The following PRKAG3 variants were observed in gnomAD, a reference collection of about 807,000 sequenced individuals.
PRKAG3 encodes 5'-AMP-activated protein kinase subunit gamma-3.
In PRKAG3, 39 loss-of-function variants were observed where a neutral mutation model predicts 56.5. The ratio of observed to expected loss-of-function variants is 0.69; its 90% CI spans 0.53 to 0.90. The LOEUF (loss-of-function observed/expected upper bound fraction) is 0.90. PRKAG3 is among the 40% of genes least tolerant of loss of function. The pLI is 0.00. For synonymous variants in PRKAG3, 243 were observed against 250.1 expected (o/e 0.97, Z 0.27); for missense variants, 628 against 627.5 (o/e 1.00, Z -0.01).
In PRKAG3 at chr2:218,827,015, C is replaced by G; in HGVS notation, c.1081G>C (p.Val361Leu). 6.2e-7 allele frequency: 1 copy of G among 1,614,150 alleles called. No homozygotes were observed. The change falls in exon 10 of 13, where the codon GTG becomes CTG. Residue 361 changes from valine (V) to leucine (L), a missense_variant. Coordinates refer to ENST00000529249, the Ensembl canonical transcript of PRKAG3. The surrounding 1 kb of genome is among the most constrained non-coding windows in gnomAD (Gnocchi z 5.3). Reference sequence around the variant, plus strand: ...AGGATGGGTGCTGTCTCCAGCACCACAGCCAAGTCTCGGAATGTGCCGATG... The same window carrying G: ...AGGATGGGTGCTGTCTCCAGCACCAGAGCCAAGTCTCGGAATGTGCCGATG...
intron 10 of PRKAG3, 123 bp from the exon 11 acceptor site, chr2:218,824,699 G>T (rs1321262158): frequency 2.3e-6 from 2 of 877,570 alleles, no homozygotes; most frequent in Non-Finnish European, 3.8e-6. Flanking sequence ...AGAACCCAAG[G>T]ATCAAACTTA....
intron 10 of PRKAG3, among the ~76,000 whole-genome samples, chr2:218,826,040 T>C (rs1325782286): frequency 1.3e-5 from 2 of 152,204 alleles, no homozygotes; most frequent in South Asian, 2.1e-4. Flanking sequence ...ATTACAGGCA[T>C]GAGCCACCGC....
At chr2:218,831,660 A>G (rs1221333198) in intron 1 of PRKAG3, 78 bp downstream of exon 1, 7 of 1,534,442 alleles carry the variant, frequency 4.6e-6, no homozygotes, top group Non-Finnish European at 5.3e-6. Context: ...ACACACGCCC[A>G]CACACACATT....
intron 3 of PRKAG3, 65 bp downstream of exon 3, chr2:218,830,681 C>T (rs1241453100): frequency 6.4e-7 from 1 of 1,567,810 alleles, no homozygotes; most frequent in Non-Finnish European, 8.7e-7. Context: ...GAGACCAGAC[C>T]CAGGCTCCTC....
In PRKAG3 at chr2:218,824,315, G is replaced by A. The variant is rs775425287; in HGVS notation, c.1260C>T (p.Ala420=). The A allele has an allele frequency of 5.0e-6, 8 of 1,614,134 alleles. No individual in the cohort carries two copies. The South Asian group carries it at 7.7e-5, about 16-fold the overall frequency. ...CCAGACATAGTGTCCTCTGCCTCAG[G>A]GCTTCTCCCACACTCATGTCCAGGT... The change falls in exon 12 of 13, where the codon GCC becomes GCT. Residue 420 remains alanine (A), a synonymous_variant. Transcript: ENST00000529249.
At chr2:218,824,096 G>A in intron 12 of PRKAG3, 126 bp downstream of exon 12, 4 of 1,474,112 alleles carry the variant, frequency 2.7e-6, no homozygotes, top group Non-Finnish European at 3.7e-6. Context: ...GGCCAGTGTG[G>A]GCACCAGGAG....
exon 4 of PRKAG3, chr2:218,830,324 G>A (rs530767020): frequency 1.2e-6 from 2 of 1,611,164 alleles, no homozygotes; most frequent in African/African-American, 2.7e-5. Flanking sequence ...CAAGGGTGTG[G>A]TCTTGGGGAA....
intron 4 of PRKAG3, among the ~76,000 whole-genome samples, chr2:218,828,909 T>C (rs1481917782): frequency 6.6e-6 from 1 of 152,220 alleles, no homozygotes; most frequent in Non-Finnish European, 1.5e-5. Flanking sequence ...TTGGAGGGTA[T>C]GTGTGTACAG....
Position 218,827,336 on chromosome 2 carries a change from T to C in PRKAG3, c.913A>G (p.Ile305Val). Residue 305 changes from isoleucine to valine, a missense_variant, in exon 9 of 13, where the codon ATC becomes GTC. By Grantham distance (29) the Ile-to-Val change is conservative. Coordinates refer to ENST00000529249, the Ensembl canonical transcript of PRKAG3. This position sits in a 1 kb window ranked among gnomAD's most constrained non-coding sequence, Gnocchi z 5.3. ...GGGTCAAGAACAGGCAGGCGATGGA[T>C]CCGGTTCTTGATGAGGGTGTAGACA... 1 of 1,614,054 alleles carries C rather than the reference T, an allele frequency of 6.2e-7. No individual in the cohort carries two copies. The highest frequency in any genetic ancestry group is 8.5e-7 in the Non-Finnish European group (1 of 1,180,002).
At chr2:218,826,642 G>C (rs550627376) in intron 10 of PRKAG3, 2 of 421,812 alleles carry the variant, frequency 4.7e-6, no homozygotes, top group South Asian at 4.2e-5. Flanking sequence ...AAAATCTGCT[G>C]CTTCCTCTCG....
At chr2:218,831,613 T>G in intron 1 of PRKAG3, 125 bp downstream of exon 1, 1 of 1,320,534 alleles carries the variant, frequency 7.6e-7, no homozygotes, top group Non-Finnish European at 1.1e-6. Flanking sequence ...ATGCCCATAT[T>G]CACGAGAAAA....
exon 12 of PRKAG3, chr2:218,824,367 T>A: frequency 6.2e-7 from 1 of 1,614,098 alleles, no homozygotes. Context: ...GGCAGCCAGG[T>A]GCTGGGGCAG....
chr2:218,827,808 T>C lies in PRKAG3; in HGVS notation c.820+25A>G, dbSNP rs200367364. 2 of 1,548,072 alleles carry C rather than the reference T, an allele frequency of 1.3e-6. No homozygotes were observed. The highest frequency in any genetic ancestry group is 1.8e-6 in the Non-Finnish European group (2 of 1,129,458). ...CCTGGCCCACCATCACCAACAGCCCTTTCCGGGTTCCTCTCCCCACTCACC... is the reference window on the plus strand; with the variant it reads ...CCTGGCCCACCATCACCAACAGCCCCTTCCGGGTTCCTCTCCCCACTCACC... On this transcript the variant is annotated intron_variant, in intron 7 of 12. Transcript: ENST00000529249. This position sits in a 1 kb window ranked among gnomAD's most constrained non-coding sequence, Gnocchi z 5.3.
Position 218,830,423 on chromosome 2 carries a change from C to T in PRKAG3, c.230-42G>A, listed in dbSNP as rs374946995. On this transcript the variant is annotated intron_variant, in intron 3 of 12. Transcript: ENST00000529249. ...GGGAAGAGGACAGTAACTCCATCTT[C>T]CAAAGCACGTTCTCATCTGCTGTCG... The T allele has an allele frequency of 5.3e-5, 84 of 1,580,746 alleles. No homozygotes were observed. The African/African-American group carries it at 9.7e-4, about 18-fold the overall frequency.
At position 218,827,973 on chromosome 2, in the gene PRKAG3, G is replaced by C. The variant is rs1722196; in HGVS notation, c.774+31C>G. The C allele has an allele frequency of 0.17, 263,577 of 1,587,988 alleles. 23,975 individuals are homozygous for C. Among genetic ancestry groups the C allele is most frequent in the East Asian group, 0.39 (17,002 of 44,106 alleles). The stretch of plus-strand genomic sequence containing the variant: ...CTCCCCTCCGCCCCCGCCCCTCTGG[G>C]TGCCCATAAGATTCCCAGCCCACTC... On this transcript the variant is annotated intron_variant, in intron 6 of 12. Transcript: ENST00000529249. This position sits in a 1 kb window ranked among gnomAD's most constrained non-coding sequence, Gnocchi z 5.3.
At chr2:218,826,796 G>A (rs931048955) in intron 10 of PRKAG3, 132 bp downstream of exon 10, 2 of 1,221,640 alleles carry the variant, frequency 1.6e-6, no homozygotes, top group East Asian at 2.5e-5. Flanking sequence ...AGTAGACGGA[G>A]ACTTCTAATC....
At chr2:218,826,762 C>T (rs994703515) in intron 10 of PRKAG3, 166 bp downstream of exon 10, 24 of 822,352 alleles carry the variant, frequency 2.9e-5, no homozygotes, top group Non-Finnish European at 4.5e-5. Flanking sequence ...CACAGAGAGG[C>T]TAAGCAACTT....
In PRKAG3 at chr2:218,828,205, C is replaced by A. The variant is rs577861290; in HGVS notation, c.716-143G>T. The A allele has an allele frequency of 2.7e-5, 23 of 863,528 alleles. No homozygotes were observed. In the East Asian group the frequency reaches 5.1e-4, roughly 19 times the overall value. The allele number at this position is 863,528 out of a possible 1,614,324, so 53.5% of individuals were successfully genotyped here. On this transcript the variant is annotated intron_variant, in intron 5 of 12. Transcript: ENST00000529249. ...GGGAACAGGACAGTGGGGCAGCCCC[C>A]CAGGCCTGAGAAGTGGGGCTCTTTC... is the stretch of plus-strand genomic sequence containing the variant.
intron 12 of PRKAG3, 84 bp from the exon 13 acceptor site, chr2:218,823,962 C>A: frequency 7.2e-7 from 1 of 1,387,418 alleles, no homozygotes; most frequent in South Asian, 1.2e-5. Flanking sequence ...TCAGGGGAAA[C>A]AACCCAACAT....
Sources: gnomAD v4.1 joint callset for allele counts (sites outside exome capture counted in the v4.1 genomes callset) on GRCh38, gnomAD v4.1.1 for gene constraint, Gnocchi (gnomAD v3.1) non-coding constraint, MANE v1.5 for transcripts, NCBI Gene and HGNC (gene_info 2026-07-23, HGNC 2026-07-21) for gene names.